DENND4C: variants seen among roughly 807,000 people sequenced by gnomAD.
The protein encoded by DENND4C is DENN domain-containing protein 4C.
In DENND4C, 108 loss-of-function variants were observed where a neutral mutation model predicts 203.0. The observed-to-expected ratio is 0.53, with a 90% CI of 0.46 to 0.62. The LOEUF (loss-of-function observed/expected upper bound fraction) is 0.62. Ranked by LOEUF, DENND4C falls within the 20% of genes least tolerant of loss-of-function variation. The pLI is 0.00. For missense variants in DENND4C, 2,481 were observed against 2,301.2 expected (o/e 1.08, Z -1.60); for synonymous variants, 871 against 792.4 (o/e 1.10, Z -1.67).
chr9:19,305,445 G>A lies in DENND4C; in HGVS notation c.1405G>A (p.Gly469Arg). The A allele has an allele frequency of 6.2e-7, 1 of 1,613,868 alleles. No homozygotes were observed. ...TAGTGCACCTTTACCATTTATAGTT[G>A]GAGTTGACTCAAGGTATTTTGATCT... ...VLSAPLPFIV[G>R]VDSRYFDLHD... The change falls in exon 10 of 33, where the codon GGA becomes AGA. Residue 469 changes from glycine (G) to arginine (R), a missense_variant. Gly to Arg is a moderately radical substitution (Grantham distance 125). Transcript: ENST00000434457.
intron 1 of DENND4C, among the ~76,000 whole-genome samples, chr9:19,236,523 C>G (rs1268851076): frequency 6.6e-6 from 1 of 152,096 alleles, no homozygotes; most frequent in African/African-American, 2.4e-5. Context: ...GAAATTAAGA[C>G]TATATTGTAG....
Position 19,242,727 on chromosome 9 carries a change from C to G in DENND4C, c.-18+11894C>G, listed in dbSNP as rs1418176811. Reference sequence around the variant, plus strand: ...CTGGAGTGCAATGGCGAGATCTCGGCTCACTGCAACCTCTGCCTCCTGGGT... The same window carrying G: ...CTGGAGTGCAATGGCGAGATCTCGGGTCACTGCAACCTCTGCCTCCTGGGT... On this transcript the variant is annotated intron_variant, in intron 1 of 32. Transcript: ENST00000434457. 5.3e-5 allele frequency among the ~76,000 whole-genome samples: 8 copies of G among 152,022 alleles called. No homozygotes were observed. In the East Asian group the frequency reaches 1.4e-3, roughly 26 times the overall value.
intron 10 of DENND4C, among the ~76,000 whole-genome samples, chr9:19,308,887 C>T (rs1269077498): frequency 2.0e-5 from 3 of 152,162 alleles, no homozygotes; most frequent in Admixed American, 2.0e-4. Context: ...TGATTTGCTT[C>T]AATCTCTTGC....
At chr9:19,232,787 A>G (rs910436551) in intron 1 of DENND4C, among the ~76,000 whole-genome samples, 8 of 152,324 alleles carry the variant, frequency 5.3e-5, no homozygotes, top group Non-Finnish European at 8.8e-5. Flanking sequence ...CTTTCTATAA[A>G]GAAACATATT....
At chr9:19,289,411 C>T (rs1835826302) in intron 4 of DENND4C, among the ~76,000 whole-genome samples, 1 of 152,120 alleles carries the variant, frequency 6.6e-6, no homozygotes, top group Non-Finnish European at 1.5e-5. Flanking sequence ...GGAAGTCAGG[C>T]AAATTCATAT....
intron 17 of DENND4C, among the ~76,000 whole-genome samples, chr9:19,333,038 A>G (rs1387566249): frequency 1.3e-5 from 2 of 150,614 alleles, no homozygotes; most frequent in African/African-American, 4.9e-5. Context: ...ATATTTAAAT[A>G]TATATATATA....
chr9:19,243,352 C>G (rs1365968488), intron 1 of DENND4C, among the ~76,000 whole-genome samples: 1 of 152,078 alleles, frequency 6.6e-6, no homozygotes, highest in Non-Finnish European at 1.5e-5. Context: ...AAAATTCTGA[C>G]AAAATTAACA....
chr9:19,321,378 C>T (rs534128341), intron 12 of DENND4C, among the ~76,000 whole-genome samples: 23 of 151,976 alleles, frequency 1.5e-4, no homozygotes, highest in Non-Finnish European at 3.2e-4. Flanking sequence ...TCAAGAGCAC[C>T]TTTGAGGTTT....
chr9:19,272,980 G>T (rs1246331653), intron 1 of DENND4C, among the ~76,000 whole-genome samples: 1 of 129,014 alleles, frequency 7.8e-6, no homozygotes, highest in Non-Finnish European at 1.6e-5. Context: ...ATGGAGTCTC[G>T]CTCTGTCACC....
intron 5 of DENND4C, among the ~76,000 whole-genome samples, chr9:19,292,936 A>G (rs1452946787): frequency 6.6e-6 from 1 of 152,196 alleles, no homozygotes; most frequent in Non-Finnish European, 1.5e-5. Flanking sequence ...AACAAAATAC[A>G]TCTGTGACCT....
rs998450415 is a variant in DENND4C, at chr9:19,372,364, G to A, written c.*191G>A. 1.6e-6 allele frequency: 1 copy of A among 608,742 alleles called. No individual in the cohort carries two copies. The highest frequency in any genetic ancestry group is 2.5e-6 in the Non-Finnish European group (1 of 395,376). 37.7% of individuals were successfully genotyped at this position (608,742 alleles called of 1,614,324 possible). A position where few individuals can be genotyped will look rare whatever the true frequency, so the allele number is the denominator to read the frequency against. ...TATGAAGTGCCATTTGAATGTCCCA[G>A]GGCTTATTAATATTGAAGATTTTCA... On this transcript the variant is annotated 3_prime_UTR_variant, in exon 33 of 33. Transcript: ENST00000434457.
Position 19,352,482 on chromosome 9 carries a change from G to GT in DENND4C, c.4606-3dup. 7 of 1,556,710 alleles carry GT rather than the reference G, an allele frequency of 4.5e-6. No homozygotes were observed. Among genetic ancestry groups the GT allele is most frequent in the Non-Finnish European group, 6.1e-6 (7 of 1,151,032 alleles). On this transcript the variant is annotated splice_region_variant and splice_polypyrimidine_tract_variant and intron_variant, in intron 25 of 32. Transcript: ENST00000434457. ...ACGTTCTCAGTGTCTGCATTTTTCT[G>GT]TTTTTAGGTTTTGATGTCCAGTTGT...
intron 1 of DENND4C, among the ~76,000 whole-genome samples, chr9:19,257,069 CAA>C (rs1210659006): frequency 1.9e-5 from 2 of 103,948 alleles, no homozygotes; most frequent in African/African-American, 3.6e-5. Context: ...GACTCCGTCT[CAA>C]AAAAAAAAAA....
chr9:19,277,591 A>G (rs944513423), intron 2 of DENND4C, among the ~76,000 whole-genome samples: 1 of 152,008 alleles, frequency 6.6e-6, no homozygotes, highest in East Asian at 1.9e-4. Context: ...ATATAGGATC[A>G]TGTCATCTGC....
At chr9:19,316,129 T>C (rs761999124) in intron 10 of DENND4C, among the ~76,000 whole-genome samples, 5 of 152,184 alleles carry the variant, frequency 3.3e-5, no homozygotes, top group Non-Finnish European at 7.4e-5. Flanking sequence ...ACTTAGAATA[T>C]TATAATTCTA....
At position 19,352,287 on chromosome 9, in the gene DENND4C, A is replaced by G; in HGVS notation, c.4605+105A>G. On this transcript the variant is annotated intron_variant, in intron 25 of 32. Coordinates refer to ENST00000434457, the MANE Select transcript of DENND4C (RefSeq NM_001330640.2). ...AGATACCCTTGTGGACAGTATAATA[A>G]AATAAGTCATTTTGTTGAATTTGCT... 8 of 1,159,946 alleles carry G rather than the reference A, an allele frequency of 6.9e-6. No homozygotes were observed. The South Asian group carries it at 1.2e-4, about 18-fold the overall frequency. 71.9% of individuals were successfully genotyped at this position (1,159,946 alleles called of 1,614,324 possible). A position where few individuals can be genotyped will look rare whatever the true frequency, so the allele number is the denominator to read the frequency against.
At position 19,360,498 on chromosome 9, in the gene DENND4C, C is replaced by A. The variant is rs1004260267; in HGVS notation, c.5406+9C>A. On this transcript the variant is annotated intron_variant, in intron 29 of 32. Transcript: ENST00000434457. ...GTAATGAAGGTGTACAGGTAGGGTG[C>A]CAACTTTTATACTTACATTAGTATT... 2.5e-6 allele frequency: 4 copies of A among 1,613,824 alleles called. No individual in the cohort carries two copies. The Admixed American group carries it at 6.7e-5, about 27-fold the overall frequency.
intron 26 of DENND4C, among the ~76,000 whole-genome samples, chr9:19,354,628 T>G (rs1465445619): frequency 7.1e-6 from 1 of 141,144 alleles, no homozygotes; most frequent in Non-Finnish European, 1.5e-5. Context: ...AATCTTGGCC[T>G]ACAACGTCTG....
chr9:19,329,174 T>G (rs1818528199), intron 16 of DENND4C, among the ~76,000 whole-genome samples: 1 of 152,174 alleles, frequency 6.6e-6, no homozygotes, highest in Non-Finnish European at 1.5e-5. Flanking sequence ...TTAGAATATT[T>G]TCATCAACCC....
Sources: gnomAD v4.1 joint callset for allele counts (sites outside exome capture counted in the v4.1 genomes callset) on GRCh38, gnomAD v4.1.1 for gene constraint, MANE v1.5 for transcripts, NCBI Gene and HGNC (gene_info 2026-07-23, HGNC 2026-07-21) for gene names.